Variants in C5orf24 observed in about 807,000 individuals in gnomAD.
The protein encoded by C5orf24 is chromosome 5 open reading frame 24.
C5orf24 carries 4 observed loss-of-function variants against 9.8 expected under a neutral mutation model. The observed-to-expected ratio is 0.41, with a 90% CI of 0.20 to 0.93. The LOEUF (loss-of-function observed/expected upper bound fraction) is 0.93. Among genes scored for constraint, C5orf24 ranks in the 40% least tolerant of loss-of-function variants. C5orf24 has a pLI of 0.33. For missense variants in C5orf24, 170 were observed against 236.9 expected, an observed-to-expected ratio of 0.72 and a Z score of 1.85; for synonymous variants, 73 against 81.3, an observed-to-expected ratio of 0.90 and a Z score of 0.55.
Position 134,857,393 on chromosome 5 carries a change from C to G in C5orf24, c.*1926C>G, listed in dbSNP as rs528481653. ...CAAGCCTTCAGGTGTTCCAGTGATGCCTGACACAATTGAGCTGGACTTTAT... is the reference window on the plus strand; with the variant it reads ...CAAGCCTTCAGGTGTTCCAGTGATGGCTGACACAATTGAGCTGGACTTTAT... On this transcript the variant is annotated 3_prime_UTR_variant, in exon 2 of 2. Coordinates refer to ENST00000394976, the MANE Select transcript of C5orf24 (RefSeq NM_001135586.1). The G allele has an allele frequency of 2.6e-6, 4 of 1,548,096 alleles. No homozygotes were observed. The highest frequency in any genetic ancestry group is 3.5e-6 in the Non-Finnish European group (4 of 1,145,410).
the C5orf24 span, among the ~76,000 whole-genome samples, chr5:134,837,765 A>T: frequency 3.3e-5 from 5 of 152,126 alleles, no homozygotes; most frequent in African/African-American, 1.2e-4. Context: ...GCTTCCAGAG[A>T]TAAAATTTTG....
chr5:134,854,920 G>A lies in C5orf24; in HGVS notation c.20G>A (p.Ser7Asn), dbSNP rs1358650065. The A allele has an allele frequency of 1.2e-6, 2 of 1,613,898 alleles. No homozygotes were observed. Among genetic ancestry groups the A allele is most frequent in the Non-Finnish European group, 1.7e-6 (2 of 1,180,012 alleles). ...TAGAAAATGATGCATCCTGTTGCCA[G>A]CAGTAATCCAGCTTTCTGTGGGCCT... MMHPVA[S>N]SNPAFCGPGK... Residue 7 changes from serine (S) to asparagine (N), a missense_variant, in exon 2 of 2, where the codon AGC becomes AAC. This residue lies in a region of C5orf24 where 93 missense variants were observed against 104.5 expected (regional missense o/e 0.89). Coordinates refer to ENST00000394976, the MANE Select transcript of C5orf24 (RefSeq NM_001135586.1).
Position 134,856,994 on chromosome 5 carries a change from T to G in C5orf24, c.*1527T>G, listed in dbSNP as rs541271328. ...AGATTTTTTTTCCCCCAATGATGTT[T>G]GCTTTAGAAGCAAGATAGAAAGGAA... is the stretch of plus-strand genomic sequence containing the variant. On this transcript the variant is annotated 3_prime_UTR_variant, in exon 2 of 2. Transcript: ENST00000394976. The G allele has an allele frequency of 2.0e-6, 2 of 1,010,050 alleles. No homozygotes were observed. Among genetic ancestry groups the G allele is most frequent in the East Asian group, 2.1e-4 (2 of 9,472 alleles). The allele number at this position is 1,010,050 out of a possible 1,614,324, so 62.6% of individuals were successfully genotyped here.
the C5orf24 span, among the ~76,000 whole-genome samples, chr5:134,836,092 T>C: frequency 2.0e-5 from 3 of 150,710 alleles, no homozygotes; most frequent in Non-Finnish European, 4.4e-5. Flanking sequence ...TTTTTCTAAA[T>C]AAAAATAACT....
At chr5:134,849,661 T>TTC (rs1438055623) in intron 1 of C5orf24, among the ~76,000 whole-genome samples, 11 of 144,482 alleles carry the variant, frequency 7.6e-5, no homozygotes, top group South Asian at 2.3e-4. Context: ...TTTTTTTTTT[T>TTC]TTTTTTTTTT....
chr5:134,850,118 T>C (rs1756116172), intron 1 of C5orf24, among the ~76,000 whole-genome samples: 1 of 152,258 alleles, frequency 6.6e-6, no homozygotes, highest in African/African-American at 2.4e-5. Flanking sequence ...CTGGACAATA[T>C]TGAAGGAATG....
chr5:134,855,003 T>C lies in C5orf24; in HGVS notation c.103T>C (p.Tyr35His), dbSNP rs1340999013. 2 of 1,614,028 alleles carry C rather than the reference T, an allele frequency of 1.2e-6. No individual in the cohort carries two copies. The highest frequency in any genetic ancestry group is 1.3e-5 in the African/African-American group (1 of 74,910). The change falls in exon 2 of 2, where the codon TAT becomes CAT. Residue 35 changes from tyrosine to histidine, a missense_variant. Coordinates refer to ENST00000394976, the MANE Select transcript of C5orf24 (RefSeq NM_001135586.1). ...AMRAADQFDI[Y>H]SSQQSKYSHT... Reference sequence around the variant, plus strand: ...GAGAGCTGCTGATCAGTTTGACATATATTCCTCCCAGCAAAGCAAATACAG... The same window carrying C: ...GAGAGCTGCTGATCAGTTTGACATACATTCCTCCCAGCAAAGCAAATACAG...
chr5:134,850,757 A>G (rs1420025401), intron 1 of C5orf24, among the ~76,000 whole-genome samples: 1 of 151,778 alleles, frequency 6.6e-6, no homozygotes, highest in Non-Finnish European at 1.5e-5. Context: ...GATTAGAGGC[A>G]TGAGTCACCA....
At chr5:134,849,432 T>C (rs1756092668) in intron 1 of C5orf24, among the ~76,000 whole-genome samples, 1 of 152,204 alleles carries the variant, frequency 6.6e-6, no homozygotes, top group Admixed American at 6.6e-5. Flanking sequence ...ATTCCCAACT[T>C]AATAAAGTTG....
At position 134,859,112 on chromosome 5, in the gene C5orf24, A is replaced by G. The variant is rs1756384469; in HGVS notation, c.*3645A>G. ...GTGTGAGCTAAAGAAAAAAAAAAGT[A>G]AATTTCTCCTTTATATTCTAAGAAG... On this transcript the variant is annotated 3_prime_UTR_variant, in exon 2 of 2. Coordinates refer to ENST00000394976, the MANE Select transcript of C5orf24 (RefSeq NM_001135586.1). 6.0e-6 allele frequency: 1 copy of G among 166,924 alleles called. No homozygotes were observed. The highest frequency in any genetic ancestry group is 2.4e-5 in the African/African-American group (1 of 41,406). The allele number at this position is 166,924 out of a possible 1,614,324, so 10.3% of individuals were successfully genotyped here.
chr5:134,851,032 A>T (rs1421197622), intron 1 of C5orf24, among the ~76,000 whole-genome samples: 2 of 145,672 alleles, frequency 1.4e-5, no homozygotes, highest in African/African-American at 2.7e-5. Flanking sequence ...TTATTTATTT[A>T]TTTTTGTTAC....
At chr5:134,836,079 A>G in the C5orf24 span, among the ~76,000 whole-genome samples, 1 of 150,464 alleles carries the variant, frequency 6.6e-6, no homozygotes, top group Non-Finnish European at 1.5e-5. Flanking sequence ...AATGAAAGAT[A>G]TATTTTTCTA....
intron 1 of C5orf24, among the ~76,000 whole-genome samples, chr5:134,847,261 C>T (rs1756021349): frequency 6.6e-6 from 1 of 152,120 alleles, no homozygotes; most frequent in Non-Finnish European, 1.5e-5. Flanking sequence ...TAGTTGACTC[C>T]TGTACATTCA....
At chr5:134,840,097 A>G in the C5orf24 span, among the ~76,000 whole-genome samples, 3 of 152,106 alleles carry the variant, frequency 2.0e-5, no homozygotes, top group Admixed American at 2.0e-4. Context: ...TCATGAGGTC[A>G]GGAGATCGAG....
At chr5:134,836,346 T>G in the C5orf24 span, among the ~76,000 whole-genome samples, 3 of 152,074 alleles carry the variant, frequency 2.0e-5, no homozygotes, top group African/African-American at 7.2e-5. Context: ...TAAATTTTTG[T>G]AATTTTAGTA....
At position 134,856,234 on chromosome 5, in the gene C5orf24, T is replaced by C. The variant is rs1756309394; in HGVS notation, c.*767T>C. The stretch of plus-strand genomic sequence containing the variant: ...TGCACATTACATTTTTGGTGAAATA[T>C]AGTGCATTCTGAGGATAGCATATTT... On this transcript the variant is annotated 3_prime_UTR_variant, in exon 2 of 2. Coordinates refer to ENST00000394976, the MANE Select transcript of C5orf24 (RefSeq NM_001135586.1). 2 of 991,364 alleles carry C rather than the reference T, an allele frequency of 2.0e-6. No individual in the cohort carries two copies. Among genetic ancestry groups the C allele is most frequent in the Non-Finnish European group, 1.2e-6 (1 of 821,890 alleles). The allele number at this position is 991,364 out of a possible 1,614,324, so 61.4% of individuals were successfully genotyped here.
upstream of C5orf24, among the ~76,000 whole-genome samples, chr5:134,844,110 A>T (rs541729714): frequency 1.3e-5 from 2 of 152,094 alleles, 1 homozygote; most frequent in Admixed American, 1.3e-4. Context: ...AAATGTTTTT[A>T]TGTACAAATG....
intron 1 of C5orf24, among the ~76,000 whole-genome samples, chr5:134,853,550 T>TTTC (rs1258602502): frequency 6.8e-6 from 1 of 146,548 alleles, no homozygotes; most frequent in Non-Finnish European, 1.5e-5. Context: ...TTTTTTTTTT[T>TTTC]TCTATTTCAA....
the C5orf24 span, among the ~76,000 whole-genome samples, chr5:134,837,035 G>A: frequency 1.3e-5 from 2 of 151,796 alleles, no homozygotes; most frequent in Non-Finnish European, 2.9e-5. Flanking sequence ...GTGCAATGGC[G>A]CGATCTCAGC....
Sources: allele counts gnomAD v4.1 joint callset (sites outside exome capture counted in the v4.1 genomes callset), GRCh38; gene constraint gnomAD v4.1.1; regional missense constraint gnomAD v4.1.1; transcripts MANE v1.5; gene names NCBI Gene and HGNC (gene_info 2026-07-23, HGNC 2026-07-21).